The following TMEM163 variants were observed in gnomAD, a reference collection of about 807,000 sequenced individuals.
TMEM163 encodes the protein transmembrane protein 163.
TMEM163 carries 17 observed loss-of-function variants against 29.3 expected under a neutral mutation model. The ratio of observed to expected loss-of-function variants is 0.58; its 90% confidence interval spans 0.40 to 0.87. The LOEUF is 0.87. TMEM163 is among the 40% of genes least tolerant of loss of function. The probability of loss-of-function intolerance (pLI) is 0.00; values close to 1 mark genes in which losing one functional copy is unlikely to be tolerated. For synonymous variants in TMEM163, 157 were observed against 160.6 expected (o/e 0.98, Z 0.17); for missense variants, 303 against 381.5 (o/e 0.79, Z 1.71).
chr2:134,481,946 G>A (rs976647184), intron 5 of TMEM163, among the ~76,000 whole-genome samples: 2 of 152,122 alleles, frequency 1.3e-5, no homozygotes, highest in Non-Finnish European at 2.9e-5. Context: ...TGCTCAGCAG[G>A]AATGAACCCC....
intron 2 of TMEM163, among the ~76,000 whole-genome samples, chr2:134,651,207 T>C (rs1683471028): frequency 1.1e-5 from 1 of 88,250 alleles, no homozygotes; most frequent in Non-Finnish European, 2.0e-5. Context: ...CAGCACCTGT[T>C]GTTTCCTGAC....
At chr2:134,679,118 C>T (rs1056753568) in intron 2 of TMEM163, among the ~76,000 whole-genome samples, 2 of 152,104 alleles carry the variant, frequency 1.3e-5, no homozygotes, top group Non-Finnish European at 2.9e-5. Context: ...AGGCCTCAGC[C>T]CTTTCAGCTG....
rs992615271 is a variant in TMEM163 at position 134,699,633 on chromosome 2, A to C, written c.322+13567T>G. ...TGGCAGTCAAAAGTGTTTGAAAAAC[A>C]CTGAATTCCACAAGTCAAATCTTCA... is the stretch of plus-strand genomic sequence containing the variant. On this transcript the variant is annotated intron_variant, in intron 2 of 7. Transcript: ENST00000281924. 2.0e-5 allele frequency among the ~76,000 whole-genome samples: 3 copies of C among 152,334 alleles called. No individual in the cohort carries two copies. The South Asian group carries it at 6.2e-4, about 32-fold the overall frequency.
intron 2 of TMEM163, among the ~76,000 whole-genome samples, chr2:134,690,477 G>T (rs1438476851): frequency 3.3e-5 from 5 of 151,876 alleles, no homozygotes; most frequent in Admixed American, 1.3e-4. Flanking sequence ...GTAGAGACAG[G>T]GTTTCACCAT....
At chr2:134,593,954 T>C (rs116529518) in intron 2 of TMEM163, among the ~76,000 whole-genome samples, 1,957 of 152,046 alleles carry the variant, frequency 0.013, 52 homozygotes, top group African/African-American at 0.043. Context: ...GAAACCAACA[T>C]GCCAGATGGA....
At chr2:134,477,154 T>C (rs1361680961) in intron 5 of TMEM163, among the ~76,000 whole-genome samples, 3 of 152,198 alleles carry the variant, frequency 2.0e-5, no homozygotes, top group Non-Finnish European at 4.4e-5. Flanking sequence ...TCATTTGTTG[T>C]CCGGCACGTG....
intron 2 of TMEM163, among the ~76,000 whole-genome samples, chr2:134,669,253 TC>T (rs1409497528): frequency 6.6e-6 from 1 of 152,176 alleles, no homozygotes; most frequent in Non-Finnish European, 1.5e-5. Context: ...CCCTGGAGAT[TC>T]CCTCCTACTT....
At chr2:134,706,719 G>A (rs116596695) in intron 2 of TMEM163, among the ~76,000 whole-genome samples, 2,280 of 152,302 alleles carry the variant, frequency 0.015, 45 homozygotes, top group African/African-American at 0.052. Context: ...GACACAGCCT[G>A]TAGGGCCCAC....
chr2:134,594,498 G>A (rs1468560018), intron 2 of TMEM163, among the ~76,000 whole-genome samples: 1 of 152,126 alleles, frequency 6.6e-6, no homozygotes, highest in Non-Finnish European at 1.5e-5. Context: ...ACAGGAGCTA[G>A]CTATTTATAT....
chr2:134,718,866 G>A lies in TMEM163; in HGVS notation c.70C>T (p.His24Tyr). 1 of 1,108,726 alleles carries A rather than the reference G, an allele frequency of 9.0e-7. No homozygotes were observed. The highest frequency in any genetic ancestry group is 1.7e-5 in the African/African-American group (1 of 60,152). 68.7% of individuals were successfully genotyped at this position (1,108,726 alleles called of 1,614,324 possible). A position where few individuals can be genotyped will look rare whatever the true frequency, so the allele number is the denominator to read the frequency against. Residue 24 changes from histidine (H) to tyrosine (Y), a missense_variant, in exon 1 of 8, where the codon CAC becomes TAC. Around this residue, in one of 2 missense-constraint regions of TMEM163, gnomAD observed 100 missense variants for 87.2 expected, o/e 1.15. Coordinates refer to ENST00000281924, the MANE Select transcript of TMEM163 (RefSeq NM_030923.5). ...CCGGGGGCGGCAGCCGGTGGCGCGTGGCCCCGGGGCGGCGGCGGGACGGTG... is the reference window on the plus strand; with the variant it reads ...CCGGGGGCGGCAGCCGGTGGCGCGTAGCCCCGGGGCGGCGGCGGGACGGTG... ...GPTVPPPPRG[H>Y]APPAAAPGPA...
chr2:134,550,267 A>G (rs1368264092), intron 4 of TMEM163, among the ~76,000 whole-genome samples: 1 of 152,202 alleles, frequency 6.6e-6, no homozygotes, highest in East Asian at 1.9e-4. Context: ...AATCCAAGAG[A>G]ACAAAGATTC....
chr2:134,517,022 C>T (rs1680085626), intron 4 of TMEM163, among the ~76,000 whole-genome samples: 1 of 152,082 alleles, frequency 6.6e-6, no homozygotes, highest in African/African-American at 2.4e-5. Context: ...AACTTCACAA[C>T]TCCTTATCAT....
At position 134,712,764 on chromosome 2, in the gene TMEM163, G is replaced by A. The variant is rs79564053; in HGVS notation, c.322+436C>T. On this transcript the variant is annotated intron_variant, in intron 2 of 7. Transcript: ENST00000281924. ...TTTTCCTTTCACTAAAGTGTGCATAGGATTTTCCTCCAAGCCTTACACAGA... is the reference window on the plus strand; with the variant it reads ...TTTTCCTTTCACTAAAGTGTGCATAAGATTTTCCTCCAAGCCTTACACAGA... 4.5e-3 allele frequency among the ~76,000 whole-genome samples: 685 copies of A among 152,258 alleles called. 3 individuals carry two copies. Among genetic ancestry groups the A allele is most frequent in the Non-Finnish European group, 7.0e-3 (475 of 68,026 alleles).
At chr2:134,565,068 T>C (rs924892290) in intron 2 of TMEM163, among the ~76,000 whole-genome samples, 1 of 151,318 alleles carries the variant, frequency 6.6e-6, no homozygotes, top group Non-Finnish European at 1.5e-5. Context: ...TGAAACCTGA[T>C]CTCTACTAAA....
At chr2:134,634,273 G>A (rs935729494) in intron 2 of TMEM163, among the ~76,000 whole-genome samples, 2 of 151,954 alleles carry the variant, frequency 1.3e-5, no homozygotes, top group African/African-American at 2.4e-5. Flanking sequence ...AGACAGACTC[G>A]GTTCACAGCC....
chr2:134,581,389 C>A (rs1393384883), intron 2 of TMEM163, among the ~76,000 whole-genome samples: 2 of 152,172 alleles, frequency 1.3e-5, no homozygotes, highest in Non-Finnish European at 2.9e-5. Flanking sequence ...TGCAAATAGC[C>A]TTAGCAACAC....
intron 2 of TMEM163, among the ~76,000 whole-genome samples, chr2:134,603,402 T>C (rs1682277845): frequency 6.6e-6 from 1 of 152,204 alleles, no homozygotes; most frequent in African/African-American, 2.4e-5. Context: ...TAATTTAAAA[T>C]GGCAAGCGGA....
rs149438174 is a variant in TMEM163, at chr2:134,549,883, C to T, written c.458+687G>A. On this transcript the variant is annotated intron_variant, in intron 4 of 7. Coordinates refer to ENST00000281924, the MANE Select transcript of TMEM163 (RefSeq NM_030923.5). ...GTTTGTGTGTGTGTGTGTGTGTACT[C>T]ATTGCAATCATCCTACGAAAGAGGA... 2.7e-3 allele frequency among the ~76,000 whole-genome samples: 415 copies of T among 152,138 alleles called. 1 individual carries two copies. Among genetic ancestry groups the T allele is most frequent in the African/African-American group, 9.5e-3 (395 of 41,468 alleles).
At chr2:134,575,699 G>A (rs1411232977) in intron 2 of TMEM163, among the ~76,000 whole-genome samples, 1 of 152,214 alleles carries the variant, frequency 6.6e-6, no homozygotes, top group Non-Finnish European at 1.5e-5. Flanking sequence ...CCATAAGAGA[G>A]TGCAATTCCT....
Sources: gnomAD v4.1 joint callset for allele counts (sites outside exome capture counted in the v4.1 genomes callset) on GRCh38, gnomAD v4.1.1 for gene constraint, gnomAD v4.1.1 regional missense constraint, MANE v1.5 for transcripts, NCBI Gene and HGNC (gene_info 2026-07-23, HGNC 2026-07-21) for gene names.